The following UNC13C variants were observed in gnomAD, a reference collection of about 807,000 sequenced individuals.
UNC13C encodes unc-13 homolog C.
UNC13C carries 174 observed loss-of-function variants against 245.4 expected under a neutral mutation model. The ratio of observed to expected loss-of-function variants is 0.71; its 90% confidence interval spans 0.63 to 0.80. The LOEUF is 0.80. Among genes scored for constraint, UNC13C ranks in the 30% least tolerant of loss-of-function variants. UNC13C has a pLI of 0.00. For missense variants in UNC13C, 2,829 were observed against 2,602.9 expected, an observed-to-expected ratio of 1.09 and a Z score of -1.89; for synonymous variants, 992 against 895.1, an observed-to-expected ratio of 1.11 and a Z score of -1.93.
At chr15:54,058,393 T>C (rs1054531218) in intron 2 of UNC13C, among the ~76,000 whole-genome samples, 2 of 151,836 alleles carry the variant, frequency 1.3e-5, no homozygotes, top group African/African-American at 4.8e-5. Context: ...ACACATACAC[T>C]CTCCCAAGAC....
At chr15:53,855,989 G>A in the UNC13C span, among the ~76,000 whole-genome samples, 3 of 152,176 alleles carry the variant, frequency 2.0e-5, no homozygotes, top group Non-Finnish European at 4.4e-5. Context: ...GTCCATTCAG[G>A]AATGCAATTT....
rs554251799 is a variant in UNC13C at position 54,408,215 on chromosome 15, A to C, written c.4848-6767A>C. On this transcript the variant is annotated intron_variant, in intron 18 of 32. Transcript: ENST00000260323. ...ACTCTGCCTCAAAAAAAAAAAAAAA[A>C]AAAAAAAAAAAAAACATGGGCAAGA... is the stretch of plus-strand genomic sequence containing the variant. Among the ~76,000 whole-genome samples the C allele has an allele frequency of 6.7e-5, 10 of 148,440 alleles. 1 individual carries two copies. The South Asian group carries it at 1.1e-3, about 16-fold the overall frequency.
the UNC13C span, among the ~76,000 whole-genome samples, chr15:53,934,807 T>C: frequency 6.6e-6 from 1 of 152,106 alleles, no homozygotes; most frequent in Non-Finnish European, 1.5e-5. Context: ...CTGTGTCTGC[T>C]CATTGTAGAG....
chr15:54,080,632 G>A (rs75473301), intron 2 of UNC13C, among the ~76,000 whole-genome samples: 1 of 151,878 alleles, frequency 6.6e-6, no homozygotes, highest in African/African-American at 2.4e-5. Context: ...AGTCTTTATG[G>A]ATCTTTTGTA....
the UNC13C span, among the ~76,000 whole-genome samples, chr15:53,972,211 T>C: frequency 6.6e-6 from 1 of 152,210 alleles, no homozygotes; most frequent in Non-Finnish European, 1.5e-5. Flanking sequence ...AGCTCACAGC[T>C]GACCTAGAGT....
intron 2 of UNC13C, among the ~76,000 whole-genome samples, chr15:54,047,524 C>T (rs555515498): frequency 2.1e-4 from 32 of 152,142 alleles, no homozygotes; most frequent in African/African-American, 7.2e-4. Context: ...TTGTGTCTGG[C>T]TTATGTCACT....
At chr15:54,482,418 G>A (rs779396669) in intron 19 of UNC13C, among the ~76,000 whole-genome samples, 10 of 152,156 alleles carry the variant, frequency 6.6e-5, no homozygotes, top group Admixed American at 2.0e-4. Flanking sequence ...CAGTCTCAGG[G>A]CCTGTGAGAG....
At chr15:53,933,200 ACT>A in the UNC13C span, among the ~76,000 whole-genome samples, 1 of 151,598 alleles carries the variant, frequency 6.6e-6, no homozygotes, top group Non-Finnish European at 1.5e-5. Context: ...TCTAACCTAC[ACT>A]CTATGCTGCC....
chr15:54,038,978 G>C (rs147894525), intron 2 of UNC13C, among the ~76,000 whole-genome samples: 2 of 152,038 alleles, frequency 1.3e-5, no homozygotes, highest in Non-Finnish European at 2.9e-5. Context: ...GCCAGTAAAG[G>C]CTACAAATTA....
the UNC13C span, among the ~76,000 whole-genome samples, chr15:53,848,315 C>T: frequency 6.6e-6 from 1 of 152,016 alleles, no homozygotes; most frequent in Non-Finnish European, 1.5e-5. Context: ...TAGCTTCGCC[C>T]TCACAAATTA....
chr15:54,511,607 T>C (rs1894742761), intron 23 of UNC13C, 146 bp from the exon 24 acceptor site: 2 of 594,892 alleles, frequency 3.4e-6, no homozygotes, highest in East Asian at 6.1e-5. Context: ...TGTTACAAAC[T>C]ATAATGTTGA....
chr15:54,586,843 C>A (rs1005736106), intron 30 of UNC13C, among the ~76,000 whole-genome samples: 4 of 152,138 alleles, frequency 2.6e-5, no homozygotes, highest in Non-Finnish European at 4.4e-5. Context: ...GGGAGTAAAT[C>A]GTTGCATTCC....
At chr15:53,950,720 C>T in the UNC13C span, among the ~76,000 whole-genome samples, 1 of 152,142 alleles carries the variant, frequency 6.6e-6, no homozygotes, top group African/African-American at 2.4e-5. Context: ...GGATTCAGGG[C>T]TGAAGACACA....
intron 19 of UNC13C, among the ~76,000 whole-genome samples, chr15:54,421,496 G>T (rs1376569876): frequency 6.6e-6 from 1 of 152,050 alleles, no homozygotes; most frequent in Non-Finnish European, 1.5e-5. Context: ...CAGCTAGGCA[G>T]TTGGTGGAAA....
chr15:54,189,986 T>C (rs1391652012), intron 4 of UNC13C, among the ~76,000 whole-genome samples: 1 of 152,210 alleles, frequency 6.6e-6, no homozygotes, highest in Non-Finnish European at 1.5e-5. Context: ...TTTAGCTTAA[T>C]GTTTTGCATT....
At chr15:53,870,402 A>T in the UNC13C span, among the ~76,000 whole-genome samples, 1 of 151,698 alleles carries the variant, frequency 6.6e-6, no homozygotes. Flanking sequence ...CAGAATTTGG[A>T]CATGCTGTCC....
At chr15:54,088,071 T>C (rs914928840) in intron 2 of UNC13C, among the ~76,000 whole-genome samples, 1 of 151,958 alleles carries the variant, frequency 6.6e-6, no homozygotes, top group African/African-American at 2.4e-5. Flanking sequence ...TATATATATA[T>C]ATCTTGATTT....
chr15:54,100,447 C>T (rs1900105128), intron 2 of UNC13C, among the ~76,000 whole-genome samples: 1 of 152,168 alleles, frequency 6.6e-6, no homozygotes, highest in African/African-American at 2.4e-5. Flanking sequence ...AGAAGTGTCT[C>T]CAACTCCTGC....
At chr15:53,956,118 T>A in the UNC13C span, among the ~76,000 whole-genome samples, 17 of 152,202 alleles carry the variant, frequency 1.1e-4, no homozygotes, top group East Asian at 3.3e-3. Context: ...AGGTGGGAGT[T>A]AAACAATGGG....
Sources: gnomAD v4.1 joint callset for allele counts (sites outside exome capture counted in the v4.1 genomes callset) on GRCh38, gnomAD v4.1.1 for gene constraint, MANE v1.5 for transcripts, NCBI Gene and HGNC (gene_info 2026-07-23, HGNC 2026-07-21) for gene names.